The following RYR2 variants were observed in gnomAD, a reference collection of about 807,000 sequenced individuals.
RYR2 encodes cardiac muscle ryanodine receptor-calcium release channel.
A neutral mutation model predicts 601.1 loss-of-function variants in RYR2; 227 were observed. The observed-to-expected ratio is 0.38, with a 90% CI of 0.34 to 0.42. RYR2 has a LOEUF of 0.42. RYR2 is among the 10% of genes least tolerant of loss of function. The probability of loss-of-function intolerance (pLI) is 1.00; values close to 1 mark genes in which losing one functional copy is unlikely to be tolerated. For synonymous variants in RYR2, 2,223 were observed against 2,175.1 expected, an observed-to-expected ratio of 1.02 and a Z score of -0.61; for missense variants, 4,646 against 6,156.5, an observed-to-expected ratio of 0.75 and a Z score of 8.21.
chr1:237,155,947 A>G (rs1320521560), intron 1 of RYR2, among the ~76,000 whole-genome samples: 1 of 152,168 alleles, frequency 6.6e-6, no homozygotes, highest in Non-Finnish European at 1.5e-5. Flanking sequence ...AGTATTTTTT[A>G]TAGCCCTAAT....
chr1:237,410,227 C>A (rs1428134106), intron 10 of RYR2, among the ~76,000 whole-genome samples: 2 of 152,102 alleles, frequency 1.3e-5, no homozygotes, highest in African/African-American at 4.8e-5. Flanking sequence ...TTGAAAAATG[C>A]CCCAGCTGTT....
chr1:237,674,874 G>A, intron 60 of RYR2, 28 bp downstream of exon 60: 2 of 1,250,750 alleles, frequency 1.6e-6, no homozygotes, highest in Non-Finnish European at 2.3e-6. Context: ...ATTGCTAATA[G>A]CCCAGTGTTT....
chr1:237,753,762 C>CT (rs1558345764), intron 80 of RYR2, among the ~76,000 whole-genome samples: 3 of 152,116 alleles, frequency 2.0e-5, no homozygotes, highest in Non-Finnish European at 2.9e-5. Flanking sequence ...TCAGAGAACT[C>CT]TATTCTTGAA....
chr1:237,578,296 C>T (rs962018084), intron 29 of RYR2, among the ~76,000 whole-genome samples: 3 of 137,168 alleles, frequency 2.2e-5, no homozygotes, highest in African/African-American at 8.0e-5. Flanking sequence ...TTCATTTTAG[C>T]ACAGAAAAAA....
intron 1 of RYR2, among the ~76,000 whole-genome samples, chr1:237,114,919 C>T (rs1367623458): frequency 1.3e-5 from 2 of 152,166 alleles, no homozygotes; most frequent in African/African-American, 4.8e-5. Context: ...AATGTGATGA[C>T]TGAACATGCA....
chr1:237,132,980 A>G (rs960814792), intron 1 of RYR2, among the ~76,000 whole-genome samples: 18 of 152,288 alleles, frequency 1.2e-4, no homozygotes, highest in African/African-American at 4.3e-4. Context: ...AGTAAAGGGA[A>G]GGAAGAGAGG....
intron 1 of RYR2, among the ~76,000 whole-genome samples, chr1:237,042,846 C>T (rs1660080619): frequency 6.6e-6 from 1 of 152,090 alleles, no homozygotes; most frequent in African/African-American, 2.4e-5. Flanking sequence ...CCCGGGGCAC[C>T]GGGGACAGGA....
At chr1:237,564,562 G>A (rs2010430) in intron 27 of RYR2, among the ~76,000 whole-genome samples, 39,666 of 151,922 alleles carry the variant, frequency 0.26, 6,362 homozygotes, top group Admixed American at 0.42. Context: ...GAGCCACCGC[G>A]ACCCGCCAAG....
chr1:237,309,816 G>A (rs1253414686), intron 2 of RYR2, among the ~76,000 whole-genome samples: 1 of 152,198 alleles, frequency 6.6e-6, no homozygotes, highest in African/African-American at 2.4e-5. Context: ...GCACAGCACC[G>A]GTGGGCTGGC....
chr1:237,691,494 T>G (rs1373533487), intron 63 of RYR2, among the ~76,000 whole-genome samples: 1 of 152,212 alleles, frequency 6.6e-6, no homozygotes, highest in Admixed American at 6.5e-5. Flanking sequence ...TTCTGACATA[T>G]GAAATGAGGA....
chr1:237,343,725 C>G (rs534943711), intron 3 of RYR2, among the ~76,000 whole-genome samples: 5 of 151,830 alleles, frequency 3.3e-5, no homozygotes, highest in African/African-American at 1.2e-4. Context: ...GGTACAGGCT[C>G]TAAAGCTCCA....
At position 237,590,630 on chromosome 1, in the gene RYR2, C is replaced by T. The variant is rs779454549; in HGVS notation, c.3808-10C>T. 1.9e-5 allele frequency: 28 copies of T among 1,494,820 alleles called. No individual in the cohort carries two copies. Among genetic ancestry groups the T allele is most frequent in the Admixed American group, 4.5e-5 (2 of 44,154 alleles). The allele number at this position is 1,494,820 out of a possible 1,614,324, so 92.6% of individuals were successfully genotyped here. On this transcript the variant is annotated splice_polypyrimidine_tract_variant and intron_variant, in intron 30 of 104. Coordinates refer to ENST00000366574, the MANE Select transcript of RYR2 (RefSeq NM_001035.3). ...ATTGGAATGTGAACTATCGCTTCTT[C>T]GTTTGCTAGGTGACCAGAATAGACG...
chr1:237,459,565 G>T (rs1572420532), intron 16 of RYR2, among the ~76,000 whole-genome samples: 1 of 152,062 alleles, frequency 6.6e-6, no homozygotes, highest in Non-Finnish European at 1.5e-5. Context: ...CCTTCAACAG[G>T]TATTGTATCC....
At chr1:237,383,261 T>A (rs767373529) in intron 8 of RYR2, among the ~76,000 whole-genome samples, 24 of 152,104 alleles carry the variant, frequency 1.6e-4, no homozygotes, top group Non-Finnish European at 1.6e-4. Context: ...AAAGAACTCC[T>A]GGAAGGTGAT....
intron 84 of RYR2, among the ~76,000 whole-genome samples, chr1:237,770,189 T>C (rs983552269): frequency 6.6e-6 from 1 of 152,184 alleles, no homozygotes; most frequent in African/African-American, 2.4e-5. Context: ...CCTCCTCCTA[T>C]GGAAGTAATG....
chr1:237,202,652 C>T (rs1010950833), intron 1 of RYR2, among the ~76,000 whole-genome samples: 5 of 152,194 alleles, frequency 3.3e-5, no homozygotes, highest in South Asian at 2.1e-4. Flanking sequence ...AAGTGATCAA[C>T]CCACATCGGC....
intron 99 of RYR2, among the ~76,000 whole-genome samples, chr1:237,808,095 A>C (rs1269508673): frequency 6.6e-6 from 1 of 152,206 alleles, no homozygotes; most frequent in Non-Finnish European, 1.5e-5. Context: ...AGAGACATTT[A>C]ATTATAGATT....
In RYR2 at chr1:237,191,716, T is replaced by G. The variant is rs111895896; in HGVS notation, c.49-78781T>G. Among the ~76,000 whole-genome samples, 1,202 of 152,290 alleles carry G rather than the reference T, an allele frequency of 7.9e-3. 24 individuals are homozygous for G. Among genetic ancestry groups the G allele is most frequent in the African/African-American group, 0.028 (1,157 of 41,556 alleles). On this transcript the variant is annotated intron_variant, in intron 1 of 104. Transcript: ENST00000366574. ...ATATTTTAACAACTTTTGACTTCAT[T>G]TAATGATCTAAACAGTGATTATTTC...
intron 1 of RYR2, among the ~76,000 whole-genome samples, chr1:237,053,145 C>T (rs1661495704): frequency 6.6e-6 from 1 of 152,218 alleles, no homozygotes; most frequent in Non-Finnish European, 1.5e-5. Context: ...CCGCACCCAA[C>T]CCATCTCTTC....
Sources: allele counts gnomAD v4.1 joint callset (sites outside exome capture counted in the v4.1 genomes callset), GRCh38; gene constraint gnomAD v4.1.1; transcripts MANE v1.5; gene names NCBI Gene and HGNC (gene_info 2026-07-23, HGNC 2026-07-21).